Variants in ABCC9 observed in about 807,000 individuals in gnomAD.
ABCC9 encodes the protein ATP-binding cassette sub-family C member 9.
Under a neutral mutation model 188.3 loss-of-function variants are expected in ABCC9, and 95 were observed. The ratio of observed to expected loss-of-function variants is 0.50; its 90% CI spans 0.43 to 0.60. ABCC9 has a LOEUF of 0.60. ABCC9 is among the 20% of genes least tolerant of loss of function. ABCC9 has a pLI of 0.00. For missense variants in ABCC9, 1,102 were observed against 1,876.3 expected (o/e 0.59, Z 7.62); for synonymous variants, 659 against 652.7 (o/e 1.01, Z -0.15).
intron 22 of ABCC9, 129 bp from the exon 23 acceptor site, chr12:21,852,634 G>C: frequency 8.5e-7 from 1 of 1,170,838 alleles, no homozygotes; most frequent in Non-Finnish European, 1.2e-6. Flanking sequence ...TTTAAAAAAA[G>C]GATAAAGAAA....
chr12:21,821,547 C>G (rs1453754483), intron 31 of ABCC9, among the ~76,000 whole-genome samples: 1 of 151,936 alleles, frequency 6.6e-6, no homozygotes, highest in Non-Finnish European at 1.5e-5. Flanking sequence ...TCAAAAATCA[C>G]TGGGTCTAAA....
chr12:21,814,291 T>A (rs1048519029), intron 35 of ABCC9, among the ~76,000 whole-genome samples: 1 of 152,200 alleles, frequency 6.6e-6, no homozygotes, highest in Non-Finnish European at 1.5e-5. Context: ...GAAAGAGACA[T>A]ACATTTAGTC....
intron 12 of ABCC9, among the ~76,000 whole-genome samples, chr12:21,897,325 A>T (rs887394874): frequency 1.3e-5 from 2 of 152,176 alleles, no homozygotes; most frequent in Non-Finnish European, 2.9e-5. Flanking sequence ...GACAATTTTC[A>T]GATGGATAGA....
At chr12:21,939,869 C>T (rs1949627173) in intron 2 of ABCC9, among the ~76,000 whole-genome samples, 1 of 152,202 alleles carries the variant, frequency 6.6e-6, no homozygotes, top group African/African-American at 2.4e-5. Context: ...CTTACGATTT[C>T]ATGGCAAGAA....
At chr12:21,876,028 G>A (rs1258593806) in intron 16 of ABCC9, among the ~76,000 whole-genome samples, 1 of 152,004 alleles carries the variant, frequency 6.6e-6, no homozygotes, top group Non-Finnish European at 1.5e-5. Flanking sequence ...CTCCAGCCTG[G>A]GTGACAGAGC....
At chr12:21,843,204 A>T (rs1383859210) in intron 28 of ABCC9, among the ~76,000 whole-genome samples, 1 of 152,294 alleles carries the variant, frequency 6.6e-6, no homozygotes, top group African/African-American at 2.4e-5. Context: ...TTATGTTTTA[A>T]TATGACCACC....
chr12:21,856,334 A>T (rs1450376379), intron 22 of ABCC9, among the ~76,000 whole-genome samples: 1 of 152,134 alleles, frequency 6.6e-6, no homozygotes, highest in African/African-American at 2.4e-5. Context: ...TTCTTTGTTT[A>T]CAAGCTTATG....
chr12:21,848,330 G>A, intron 24 of ABCC9, 84 bp from the exon 25 acceptor site: 6 of 1,205,246 alleles, frequency 5.0e-6, no homozygotes, highest in Non-Finnish European at 7.4e-6. Flanking sequence ...CGTGTAAATG[G>A]TTAGTTACCT....
chr12:21,863,068 AAG>A lies in ABCC9; in HGVS notation c.2238-16_2238-15del. On this transcript the variant is annotated splice_polypyrimidine_tract_variant and intron_variant, in intron 19 of 39. Coordinates refer to ENST00000261200, the MANE Select transcript of ABCC9 (RefSeq NM_020297.4). ...TACCTGTTCCTACTGAAAAATGAAAAAGAAAAAAAAAAACACCAGGATTATGC... is the reference window on the plus strand; with the variant it reads ...TACCTGTTCCTACTGAAAAATGAAAAAAAAAAAAAAACACCAGGATTATGC... The A allele has an allele frequency of 1.3e-6, 2 of 1,542,216 alleles. No homozygotes were observed. Among genetic ancestry groups the A allele is most frequent in the South Asian group, 2.2e-5 (2 of 89,014 alleles).
rs534679376 is a variant in ABCC9, at chr12:21,931,505, G to T, written c.284+2277C>A. Among the ~76,000 whole-genome samples, 4 of 152,036 alleles carry T rather than the reference G, an allele frequency of 2.6e-5. No homozygotes were observed. The South Asian group carries it at 8.3e-4, about 32-fold the overall frequency. On this transcript the variant is annotated intron_variant, in intron 4 of 39. Coordinates refer to ENST00000261200, the MANE Select transcript of ABCC9 (RefSeq NM_020297.4). ...TAGAAGAGCATAACACAGAATCAAG[G>T]CTGTATTTTTACCTGTTTTTAGGAC...
At chr12:21,874,725 T>C (rs1298387422) in intron 17 of ABCC9, among the ~76,000 whole-genome samples, 5 of 152,154 alleles carry the variant, frequency 3.3e-5, no homozygotes, top group Admixed American at 2.0e-4. Flanking sequence ...TGGATGAACC[T>C]AGAGGACATC....
intron 12 of ABCC9, among the ~76,000 whole-genome samples, chr12:21,900,945 T>C (rs1376452363): frequency 6.6e-6 from 1 of 152,052 alleles, no homozygotes; most frequent in African/African-American, 2.4e-5. Context: ...ATTCAGGAAA[T>C]ACAGAGAACG....
intron 22 of ABCC9, among the ~76,000 whole-genome samples, chr12:21,855,798 A>C (rs1373253730): frequency 6.6e-6 from 1 of 152,170 alleles, no homozygotes; most frequent in Non-Finnish European, 1.5e-5. Flanking sequence ...GCCATGGTGG[A>C]TTAATATTGT....
chr12:21,839,880 C>T (rs780238216), intron 29 of ABCC9, among the ~76,000 whole-genome samples: 7 of 151,940 alleles, frequency 4.6e-5, no homozygotes, highest in Non-Finnish European at 7.4e-5. Flanking sequence ...CATGGGGATT[C>T]GGGGAGAGAA....
Position 21,848,237 on chromosome 12 carries a change from C to A in ABCC9, c.2779G>T (p.Ala927Ser), listed in dbSNP as rs773531870. The A allele has an allele frequency of 6.2e-7, 1 of 1,613,220 alleles. No homozygotes were observed. The highest frequency in any genetic ancestry group is 1.1e-5 in the South Asian group (1 of 91,074). Residue 927 changes from alanine (A) to serine (S), a missense_variant, in exon 25 of 40, where the codon GCT becomes TCT. Coordinates refer to ENST00000261200, the MANE Select transcript of ABCC9 (RefSeq NM_020297.4). ...QDQELEKDME[A>S]DQTTLERKTL... ...TTCCTCTCTAAAGTAGTTTGGTCAGCTTCCATATCCTGCAGTAAACATTGT... is the reference window on the plus strand; with the variant it reads ...TTCCTCTCTAAAGTAGTTTGGTCAGATTCCATATCCTGCAGTAAACATTGT...
Position 21,809,919 on chromosome 12 carries a change from G to T in ABCC9, c.4248C>A (p.Asp1416Glu). The change falls in exon 37 of 40, where the codon GAC becomes GAA. Residue 1416 changes from aspartate to glutamate, a missense_variant. Asp to Glu is a conservative substitution (Grantham distance 45). Coordinates refer to ENST00000261200, the MANE Select transcript of ABCC9 (RefSeq NM_020297.4). ...CAATTTCTAAGGCTTCCCAGAGTCT[G>T]TCATCTGTGCATTTGCACTCTGGAT... The part of the protein sequence containing the change: ...NLDPECKCTD[D>E]RLWEALEIAQ... 1 of 1,612,516 alleles carries T rather than the reference G, an allele frequency of 6.2e-7. No individual in the cohort carries two copies.
At position 21,815,777 on chromosome 12, in the gene ABCC9, T is replaced by G; in HGVS notation, c.4009A>C (p.Lys1337Gln). ...TGATTTCATACCTTTTGTCCAGGTT[T>G]GATGTAAGCCTTGACGTGCTTAAGA... The part of the protein sequence containing the change: ...PVLKHVKAYI[K>Q]PGQKVGICGR... Residue 1337 changes from lysine to glutamine, a missense_variant, in exon 34 of 40, where the codon AAA (lysine) becomes CAA (glutamine). This residue lies in a region of ABCC9 where 143 missense variants were observed against 225.6 expected (regional missense o/e 0.63). Coordinates refer to ENST00000261200, the MANE Select transcript of ABCC9 (RefSeq NM_020297.4). 2 of 1,613,110 alleles carry G rather than the reference T, an allele frequency of 1.2e-6. No homozygotes were observed. Among genetic ancestry groups the G allele is most frequent in the Non-Finnish European group, 1.7e-6 (2 of 1,179,552 alleles).
intron 17 of ABCC9, 86 bp from the exon 18 acceptor site, chr12:21,872,816 T>C: frequency 9.2e-7 from 1 of 1,092,526 alleles, no homozygotes; most frequent in East Asian, 2.4e-5. Flanking sequence ...AAAGCTAATG[T>C]TTTACAATCA....
intron 20 of ABCC9, among the ~76,000 whole-genome samples, chr12:21,862,152 G>T (rs1945547818): frequency 6.6e-6 from 1 of 151,372 alleles, no homozygotes; most frequent in South Asian, 2.1e-4. Flanking sequence ...TCATTCCTAA[G>T]TGTAGGCAAC....
Sources: allele counts gnomAD v4.1 joint callset (sites outside exome capture counted in the v4.1 genomes callset), GRCh38; gene constraint gnomAD v4.1.1; regional missense constraint gnomAD v4.1.1; transcripts MANE v1.5; gene names NCBI Gene and HGNC (gene_info 2026-07-23, HGNC 2026-07-21).